The following ADD2 variants were observed in gnomAD, a reference collection of about 807,000 sequenced individuals.
ADD2 encodes adducin 2, also known as beta-adducin.
A neutral mutation model predicts 83.0 loss-of-function variants in ADD2; 23 were observed. The ratio of observed to expected loss-of-function variants is 0.28; its 90% CI spans 0.20 to 0.39. The LOEUF is 0.39. Among genes scored for constraint, ADD2 ranks in the 10% least tolerant of loss-of-function variants. The pLI is 1.00. For missense variants in ADD2, 758 were observed against 944.9 expected (o/e 0.80, Z 2.59); for synonymous variants, 375 against 375.4 (o/e 1.00, Z 0.01).
intron 11 of ADD2, 45 bp downstream of exon 11, chr2:70,678,659 C>T (rs782143182): frequency 3.4e-5 from 52 of 1,509,498 alleles, no homozygotes; most frequent in Non-Finnish European, 6.2e-6. Flanking sequence ...CCTGCTAATG[C>T]AGCCTGCCCC....
At chr2:70,734,035 C>T (rs1673402892) in intron 1 of ADD2, among the ~76,000 whole-genome samples, 1 of 152,134 alleles carries the variant, frequency 6.6e-6, no homozygotes, top group Admixed American at 6.5e-5. Flanking sequence ...GCCCACTTCT[C>T]CTGCCGGGAC....
At position 70,706,129 on chromosome 2, in the gene ADD2, G is replaced by T; in HGVS notation, c.183+97C>A. The T allele has an allele frequency of 3.0e-6, 4 of 1,328,456 alleles. No homozygotes were observed. The highest frequency in any genetic ancestry group is 4.2e-6 in the Non-Finnish European group (4 of 954,772). The allele number at this position is 1,328,456 out of a possible 1,614,324, so 82.3% of individuals were successfully genotyped here. ...GGGCTTACATTTCTACTGACCCTGA[G>T]CAAGGGAAAGAGGAGTTACTCATCT... On this transcript the variant is annotated intron_variant, in intron 3 of 15. Coordinates refer to ENST00000264436, the MANE Select transcript of ADD2 (RefSeq NM_001617.4). The surrounding 1 kb of genome is among the most constrained non-coding windows in gnomAD (Gnocchi z 5.0).
At chr2:70,681,100 C>T (rs138719700) in intron 10 of ADD2, among the ~76,000 whole-genome samples, 3 of 141,478 alleles carry the variant, frequency 2.1e-5, no homozygotes, top group African/African-American at 7.5e-5. Flanking sequence ...AGCTATTATT[C>T]CAGAGGTCAC....
At chr2:70,736,615 A>G (rs1291046027) in intron 1 of ADD2, among the ~76,000 whole-genome samples, 1 of 152,216 alleles carries the variant, frequency 6.6e-6, no homozygotes, top group Non-Finnish European at 1.5e-5. Flanking sequence ...TTGTACTGAG[A>G]TAAGTTATTT....
At chr2:70,767,464 G>A (rs1442999123) in intron 1 of ADD2, 4 of 242,610 alleles carry the variant, frequency 1.6e-5, no homozygotes, top group Non-Finnish European at 2.6e-5. Context: ...AGCCCGCCTC[G>A]CACCGCTACC....
In ADD2 at chr2:70,672,937, C is replaced by T. The variant is rs950630295; in HGVS notation, c.1811G>A (p.Ser604Asn). The change falls in exon 15 of 16, where the codon AGC becomes AAC. Residue 604 changes from serine to asparagine, a missense_variant. Around this residue, in one of 5 missense-constraint regions of ADD2, gnomAD observed 165 missense variants for 176.2 expected, o/e 0.94. Coordinates refer to ENST00000264436, the MANE Select transcript of ADD2 (RefSeq NM_001617.4). ...AKSAPASPVQSPAKEAETKSP... is the reference protein window; with the variant it reads ...AKSAPASPVQNPAKEAETKSP... ...CTTTGTCTCTGCCTCCTTCGCTGGGCTCTGCACTGGAGAAGCAGGTGCAGA... is the reference window on the plus strand; with the variant it reads ...CTTTGTCTCTGCCTCCTTCGCTGGGTTCTGCACTGGAGAAGCAGGTGCAGA... The T allele has an allele frequency of 4.3e-6, 7 of 1,613,702 alleles. No individual in the cohort carries two copies. The highest frequency in any genetic ancestry group is 3.3e-4 in the Middle Eastern group (2 of 6,064).
chr2:70,720,645 C>T (rs1440019036), intron 1 of ADD2, among the ~76,000 whole-genome samples: 3 of 152,130 alleles, frequency 2.0e-5, no homozygotes, highest in Non-Finnish European at 4.4e-5. Flanking sequence ...TATTGGATTA[C>T]GGGGATATTA....
intron 1 of ADD2, among the ~76,000 whole-genome samples, chr2:70,735,009 T>C (rs1673456861): frequency 6.6e-6 from 1 of 152,210 alleles, no homozygotes; most frequent in Non-Finnish European, 1.5e-5. Context: ...CAGAAAGTGT[T>C]CAGAATTTTG....
intron 15 of ADD2, among the ~76,000 whole-genome samples, chr2:70,668,333 C>T (rs1177305091): frequency 6.6e-6 from 1 of 152,148 alleles, no homozygotes; most frequent in African/African-American, 2.4e-5. Context: ...ACAGCCCATG[C>T]CACTCCTGTC....
chr2:70,678,898 C>T lies in ADD2; in HGVS notation c.1189G>A (p.Glu397Lys), dbSNP rs1553368998. 2 of 1,614,188 alleles carry T rather than the reference C, an allele frequency of 1.2e-6. No homozygotes were observed. Among genetic ancestry groups the T allele is most frequent in the Non-Finnish European group, 1.7e-6 (2 of 1,180,036 alleles). Residue 397 changes from glutamate to lysine, a missense_variant, in exon 11 of 16, where the codon GAG becomes AAG. Around this residue, in one of 5 missense-constraint regions of ADD2, gnomAD observed 394 missense variants for 509.3 expected, o/e 0.77. Transcript: ENST00000264436. ...GTGACCGTGGCTGGAATCTCCACCT[C>T]ACTTTTGTGTTTGGTTTTCTCTTGA... is the stretch of plus-strand genomic sequence containing the variant. Reference protein sequence around the residue: ...FVQEKTKHKSEVEIPATVTAF... With the variant: ...FVQEKTKHKSKVEIPATVTAF...
chr2:70,721,764 C>T (rs545147781), intron 1 of ADD2, among the ~76,000 whole-genome samples: 1 of 152,212 alleles, frequency 6.6e-6, no homozygotes, highest in Admixed American at 6.5e-5. Flanking sequence ...ATTAGAGATA[C>T]AAAAGGACAA....
intron 15 of ADD2, among the ~76,000 whole-genome samples, chr2:70,670,423 A>T (rs1037507177): frequency 1.3e-5 from 2 of 152,254 alleles, no homozygotes; most frequent in Non-Finnish European, 2.9e-5. Context: ...GATGTCAAAT[A>T]CAGGGCTATT....
chr2:70,721,576 G>T (rs563768466), intron 1 of ADD2, among the ~76,000 whole-genome samples: 1 of 152,298 alleles, frequency 6.6e-6, no homozygotes, highest in East Asian at 1.9e-4. Context: ...GTGAAATCAA[G>T]TCCCCTAAGA....
rs1184270442 is a variant in ADD2 at position 70,663,283 on chromosome 2, G to A, written c.*142C>T. 20 of 958,032 alleles carry A rather than the reference G, an allele frequency of 2.1e-5. No individual in the cohort carries two copies. The highest frequency in any genetic ancestry group is 5.2e-5 in the Admixed American group (2 of 38,172). The allele number at this position is 958,032 out of a possible 1,614,324, so 59.3% of individuals were successfully genotyped here. On this transcript the variant is annotated 3_prime_UTR_variant, in exon 16 of 16. Coordinates refer to ENST00000264436, the MANE Select transcript of ADD2 (RefSeq NM_001617.4). The stretch of plus-strand genomic sequence containing the variant: ...GCAACTGTAAAACGAAGGGTTGGTC[G>A]GGTGATCTCTAAGTTCCCCTTCCGA...
chr2:70,721,692 C>T (rs2863797), intron 1 of ADD2, among the ~76,000 whole-genome samples: 45,278 of 152,106 alleles, frequency 0.3, 7,183 homozygotes, highest in African/African-American at 0.41. Flanking sequence ...CTTTTAATGT[C>T]TCCAGGCAAT....
chr2:70,703,427 C>G (rs1441282632), intron 4 of ADD2, among the ~76,000 whole-genome samples: 1 of 152,056 alleles, frequency 6.6e-6, no homozygotes, highest in Non-Finnish European at 1.5e-5. Context: ...GGCACTCTAC[C>G]GCATTACTGT....
In ADD2 at chr2:70,687,625, CAAA is replaced by C. The variant is rs782472645; in HGVS notation, c.948+396_948+398del. ...ACAAACAAACAAACAAACAAACAAA[CAAA>C]CAAACACCTACCTGTGTGTCTGTTG... is the stretch of plus-strand genomic sequence containing the variant. On this transcript the variant is annotated intron_variant, in intron 9 of 15. Coordinates refer to ENST00000264436, the MANE Select transcript of ADD2 (RefSeq NM_001617.4). Among the ~76,000 whole-genome samples the C allele has an allele frequency of 1.3e-5, 2 of 151,802 alleles. 1 individual carries two copies. Among genetic ancestry groups the C allele is most frequent in the East Asian group, 3.9e-4 (2 of 5,184 alleles).
At chr2:70,702,843 AG>A (rs1553373674) in intron 4 of ADD2, among the ~76,000 whole-genome samples, 1 of 152,146 alleles carries the variant, frequency 6.6e-6, no homozygotes, top group Non-Finnish European at 1.5e-5. Flanking sequence ...AAAGAAAGTC[AG>A]GGGCGGGCAC....
In ADD2 at chr2:70,707,844, A is replaced by T. The variant is rs79295290; in HGVS notation, c.-34-1402T>A. ...CTCCATGGGCTCCCATTCCATGAGG[A>T]GATGGAATGCTCTCTTGTTCTTTGG... is the stretch of plus-strand genomic sequence containing the variant. On this transcript the variant is annotated intron_variant, in intron 2 of 15. Coordinates refer to ENST00000264436, the MANE Select transcript of ADD2 (RefSeq NM_001617.4). 1.0e-2 allele frequency among the ~76,000 whole-genome samples: 1,520 copies of T among 152,312 alleles called. 18 individuals are homozygous for T. The highest frequency in any genetic ancestry group is 0.035 in the African/African-American group (1,449 of 41,558).
Sources: allele counts gnomAD v4.1 joint callset (sites outside exome capture counted in the v4.1 genomes callset), GRCh38; gene constraint gnomAD v4.1.1; regional missense constraint gnomAD v4.1.1; non-coding constraint Gnocchi (gnomAD v3.1); transcripts MANE v1.5; gene names NCBI Gene and HGNC (gene_info 2026-07-23, HGNC 2026-07-21).